JRK: variants seen among roughly 807,000 people sequenced by gnomAD.
JRK encodes the protein jerky protein homolog.
For missense variants in JRK, 720 were observed against 509.2 expected (o/e 1.41, Z -3.98); for synonymous variants, 303 against 218.1 (o/e 1.39, Z -3.43).
At chr8:142,669,584 C>G (rs782176290) in intron 1 of JRK, among the ~76,000 whole-genome samples, 3 of 152,222 alleles carry the variant, frequency 2.0e-5, no homozygotes, top group Non-Finnish European at 4.4e-5. Flanking sequence ...ACCTCGTGAC[C>G]AAGCCTCTCT....
At chr8:142,669,255 G>A (rs943895016) in intron 1 of JRK, among the ~76,000 whole-genome samples, 1 of 151,076 alleles carries the variant, frequency 6.6e-6, no homozygotes, top group Admixed American at 6.6e-5. Flanking sequence ...CAAAAAACAA[G>A]TCGCATTCTG....
rs934810694 is a variant in JRK at position 142,660,302 on chromosome 8, C to A, written c.*4050G>T. ...CTCCCAGGCCACCACCCACCCCTCA[C>A]GGCTGCCACACCCACCAGCCCATGA... On this transcript the variant is annotated 3_prime_UTR_variant, in exon 2 of 2. Transcript: ENST00000612905. The A allele has an allele frequency of 1.0e-6, 1 of 985,754 alleles. No homozygotes were observed. The highest frequency in any genetic ancestry group is 1.2e-6 in the Non-Finnish European group (1 of 830,176). The allele number at this position is 985,754 out of a possible 1,614,324, so 61.1% of individuals were successfully genotyped here.
Position 142,663,601 on chromosome 8 carries a change from G to A in JRK, c.*751C>T. 1 of 985,478 alleles carries A rather than the reference G, an allele frequency of 1.0e-6. No homozygotes were observed. The highest frequency in any genetic ancestry group is 1.2e-6 in the Non-Finnish European group (1 of 829,938). The allele number at this position is 985,478 out of a possible 1,614,324, so 61.0% of individuals were successfully genotyped here. ...CACAGGGTCCGTGTCCTCTATCCGGGTGATGAGCAGGGCCTGGTCAGCCAC... is the reference window on the plus strand; with the variant it reads ...CACAGGGTCCGTGTCCTCTATCCGGATGATGAGCAGGGCCTGGTCAGCCAC... On this transcript the variant is annotated 3_prime_UTR_variant, in exon 2 of 2. Transcript: ENST00000612905.
At position 142,660,779 on chromosome 8, in the gene JRK, G is replaced by A. The variant is rs1400497591; in HGVS notation, c.*3573C>T. The A allele has an allele frequency of 2.0e-6, 2 of 985,368 alleles. No homozygotes were observed. Among genetic ancestry groups the A allele is most frequent in the Non-Finnish European group, 2.4e-6 (2 of 830,006 alleles). The allele number at this position is 985,368 out of a possible 1,614,324, so 61.0% of individuals were successfully genotyped here. ...GTGGACGGGTCTTGATTTGTCCCAA[G>A]TTGTCGCTGCCCTGTGCCACAGCCT... On this transcript the variant is annotated 3_prime_UTR_variant, in exon 2 of 2. Transcript: ENST00000612905.
At chr8:142,645,883 T>G in the JRK span, among the ~76,000 whole-genome samples, 2 of 152,212 alleles carry the variant, frequency 1.3e-5, no homozygotes, top group Non-Finnish European at 2.9e-5. Flanking sequence ...AAAACCCTTT[T>G]ATTTTTATAA....
chr8:142,654,198 C>G (rs1846710567), downstream of JRK, among the ~76,000 whole-genome samples: 1 of 152,150 alleles, frequency 6.6e-6, no homozygotes, highest in Non-Finnish European at 1.5e-5. Flanking sequence ...AGCACCCCCA[C>G]ATGGTGTCCA....
At position 142,665,693 on chromosome 8, in the gene JRK, C is replaced by T; in HGVS notation, c.366G>A (p.Gln122=). 2.7e-6 allele frequency: 2 copies of T among 740,308 alleles called. No homozygotes were observed. The highest frequency in any genetic ancestry group is 2.9e-5 in the South Asian group (2 of 69,308). 45.9% of individuals were successfully genotyped at this position (740,308 alleles called of 1,614,324 possible). A position where few individuals can be genotyped will look rare whatever the true frequency, so the allele number is the denominator to read the frequency against. ...ACACGCAGGGCTCAGTGAGCTGCAT[C>T]TGCTCGTAGAAGTCCTTGGCCTTCT... The part of the protein sequence containing the change: ...LIEKAKDFYE[Q]MQLTEPCVFS... The change falls in exon 2 of 2, where the codon CAG becomes CAA. Residue 122 remains glutamine (Q), a synonymous_variant. Coordinates refer to ENST00000612905, the MANE Select transcript of JRK (RefSeq NM_003724.4).
chr8:142,655,388 A>G (rs1554633522), downstream of JRK, among the ~76,000 whole-genome samples: 1 of 152,202 alleles, frequency 6.6e-6, no homozygotes, highest in Non-Finnish European at 1.5e-5. Flanking sequence ...AAGGGGTGTT[A>G]TTAGCAATTG....
rs368512461 is a variant in JRK at position 142,665,719 on chromosome 8, C to G, written c.340G>C (p.Glu114Gln). The change falls in exon 2 of 2, where the codon GAG (glutamate) becomes CAG (glutamine). Residue 114 changes from glutamate (E) to glutamine (Q), a missense_variant. Glu to Gln is a conservative substitution (Grantham distance 29). Transcript: ENST00000612905. Reference protein sequence around the residue: ...GVPVSGPMLIEKAKDFYEQMQ... With the variant: ...GVPVSGPMLIQKAKDFYEQMQ... ...TGCTCGTAGAAGTCCTTGGCCTTCT[C>G]GATGAGCATGGGGCCTGACACGGGG... The G allele has an allele frequency of 1.3e-6, 1 of 763,908 alleles. No homozygotes were observed. Among genetic ancestry groups the G allele is most frequent in the Admixed American group, 1.8e-5 (1 of 57,032 alleles). 47.3% of individuals were successfully genotyped at this position (763,908 alleles called of 1,614,324 possible).
chr8:142,645,244 T>G, the JRK span, among the ~76,000 whole-genome samples: 25 of 152,336 alleles, frequency 1.6e-4, no homozygotes, highest in Non-Finnish European at 3.5e-4. Context: ...ATGTCACAAG[T>G]ACTTTAAATG....
rs4736365 is a variant in JRK, at chr8:142,660,785, G to A, written c.*3567C>T. On this transcript the variant is annotated 3_prime_UTR_variant, in exon 2 of 2. Coordinates refer to ENST00000612905, the MANE Select transcript of JRK (RefSeq NM_003724.4). ...GGGTCTTGATTTGTCCCAAGTTGTC[G>A]CTGCCCTGTGCCACAGCCTCCCAAG... The A allele has an allele frequency of 0.61, 599,688 of 985,116 alleles. 185,653 individuals carry two copies. The highest frequency in any genetic ancestry group is 0.66 in the Admixed American group (10,784 of 16,248). The allele number at this position is 985,116 out of a possible 1,614,324, so 61.0% of individuals were successfully genotyped here.
At chr8:142,653,349 T>C (rs1399025260), downstream of JRK, among the ~76,000 whole-genome samples, 1 of 152,128 alleles carries the variant, frequency 6.6e-6, no homozygotes, top group African/African-American at 2.4e-5. Flanking sequence ...GCAGATAACA[T>C]CACTATTGTA....
downstream of JRK, among the ~76,000 whole-genome samples, chr8:142,657,027 C>A (rs150233336): frequency 1.8e-4 from 28 of 152,292 alleles, 1 homozygote; most frequent in African/African-American, 6.7e-4. Flanking sequence ...ATTGCCAACT[C>A]CTCTAGTGAA....
the JRK span, among the ~76,000 whole-genome samples, chr8:142,650,148 G>C: frequency 2.0e-5 from 3 of 152,258 alleles, no homozygotes; most frequent in African/African-American, 7.2e-5. Flanking sequence ...TGGCCCCTTT[G>C]TTTTGGCCAA....
chr8:142,669,615 G>A (rs1847259373), intron 1 of JRK, among the ~76,000 whole-genome samples: 1 of 152,122 alleles, frequency 6.6e-6, no homozygotes, highest in Non-Finnish European at 1.5e-5. Flanking sequence ...GCGCAGGAAG[G>A]GTCCGGGCTG....
At chr8:142,667,463 AC>A (rs1554636422) in intron 1 of JRK, among the ~76,000 whole-genome samples, 1 of 151,630 alleles carries the variant, frequency 6.6e-6, no homozygotes, top group African/African-American at 2.4e-5. Flanking sequence ...ACACACACAC[AC>A]ACACACACAG....
rs1846867555 is a variant in JRK at position 142,660,019 on chromosome 8, G to A, written c.*4333C>T. ...GCAAAGGAGTGGGCGTGTGGGGCTGGGAGCTGGGGCTCATGTGGGAGGCTG... is the reference window on the plus strand; with the variant it reads ...GCAAAGGAGTGGGCGTGTGGGGCTGAGAGCTGGGGCTCATGTGGGAGGCTG... On this transcript the variant is annotated 3_prime_UTR_variant, in exon 2 of 2. Transcript: ENST00000612905. 4.1e-6 allele frequency: 4 copies of A among 985,936 alleles called. No homozygotes were observed. The South Asian group carries it at 1.4e-4, about 35-fold the overall frequency. 61.1% of individuals were successfully genotyped at this position (985,936 alleles called of 1,614,324 possible).
At chr8:142,667,364 C>T (rs1847159080) in intron 1 of JRK, among the ~76,000 whole-genome samples, 1 of 152,146 alleles carries the variant, frequency 6.6e-6, no homozygotes, top group Admixed American at 6.5e-5. Context: ...GGCTCTAGTG[C>T]TGCCCGCCCA....
chr8:142,656,868 T>G (rs1554633746), downstream of JRK, among the ~76,000 whole-genome samples: 1 of 152,076 alleles, frequency 6.6e-6, no homozygotes, highest in East Asian at 1.9e-4. Flanking sequence ...CTCCCCACTC[T>G]ACAGGTGAAG....
Sources: allele counts gnomAD v4.1 joint callset (sites outside exome capture counted in the v4.1 genomes callset), GRCh38; gene constraint gnomAD v4.1.1; transcripts MANE v1.5; gene names NCBI Gene and HGNC (gene_info 2026-07-23, HGNC 2026-07-21).